The following MAP4K4 variants were observed in gnomAD, a reference collection of about 807,000 sequenced individuals.
The protein encoded by MAP4K4 is HPK/GCK-like kinase HGK.
In MAP4K4, 38 loss-of-function variants were observed where a neutral mutation model predicts 189.6. The observed-to-expected ratio is 0.20, with a 90% CI of 0.15 to 0.26. MAP4K4 has a LOEUF of 0.26. MAP4K4 is among the 10% of genes least tolerant of loss of function. MAP4K4 has a pLI of 1.00. For synonymous variants in MAP4K4, 610 were observed against 624.3 expected, an observed-to-expected ratio of 0.98 and a Z score of 0.34; for missense variants, 1,054 against 1,726.9, an observed-to-expected ratio of 0.61 and a Z score of 6.91.
chr2:101,707,487 G>A (rs2042945627), intron 2 of MAP4K4, among the ~76,000 whole-genome samples: 2 of 151,976 alleles, frequency 1.3e-5, no homozygotes, highest in Admixed American at 6.5e-5. Context: ...GGGATTACAG[G>A]CATGAACCAC....
chr2:101,872,763 A>G (rs1442730256), intron 24 of MAP4K4, among the ~76,000 whole-genome samples: 1 of 152,156 alleles, frequency 6.6e-6, no homozygotes, highest in Non-Finnish European at 1.5e-5. Flanking sequence ...TCAGGTGTCC[A>G]TGGAGGGGGT....
chr2:101,834,388 C>A, intron 7 of MAP4K4, 21 bp from the exon 8 acceptor site: 2 of 1,580,436 alleles, frequency 1.3e-6, no homozygotes, highest in Non-Finnish European at 1.7e-6. Flanking sequence ...GTATCTGTAA[C>A]GTACTGTTTT....
chr2:101,766,213 T>C (rs1048737443), intron 2 of MAP4K4, among the ~76,000 whole-genome samples: 1 of 152,220 alleles, frequency 6.6e-6, no homozygotes. Flanking sequence ...GTAGATCTTA[T>C]GAATTTCTGA....
chr2:101,842,795 A>G, intron 11 of MAP4K4, 114 bp downstream of exon 11: 1 of 672,326 alleles, frequency 1.5e-6, no homozygotes, highest in Non-Finnish European at 2.5e-6. Context: ...TTACTTAGAC[A>G]GCATCTTACT....
At chr2:101,814,358 A>G (rs1220634312) in intron 3 of MAP4K4, among the ~76,000 whole-genome samples, 2 of 152,178 alleles carry the variant, frequency 1.3e-5, no homozygotes. Flanking sequence ...CTTCTGTGGA[A>G]AGCATCTTTG....
At chr2:101,713,768 C>T (rs1023937902) in intron 2 of MAP4K4, among the ~76,000 whole-genome samples, 2 of 151,502 alleles carry the variant, frequency 1.3e-5, no homozygotes, top group African/African-American at 4.9e-5. Flanking sequence ...GGTGGGTGTG[C>T]CTGTAATCCC....
At chr2:101,855,848 C>T in intron 12 of MAP4K4, 129 bp from the exon 13 acceptor site, 2 of 787,066 alleles carry the variant, frequency 2.5e-6, no homozygotes, top group Non-Finnish European at 4.0e-6. Context: ...AAATAATTGG[C>T]CAGTAGATAT....
At chr2:101,812,681 T>G (rs1315790811) in intron 3 of MAP4K4, among the ~76,000 whole-genome samples, 2 of 152,186 alleles carry the variant, frequency 1.3e-5, no homozygotes, top group Admixed American at 6.5e-5. Context: ...ATGTGCATCT[T>G]TGCTGTAGAT....
At chr2:101,808,702 T>C (rs1251394784) in intron 3 of MAP4K4, among the ~76,000 whole-genome samples, 1 of 152,062 alleles carries the variant, frequency 6.6e-6, no homozygotes, top group Non-Finnish European at 1.5e-5. Flanking sequence ...AGGGATAAAA[T>C]ATAGAGAAGT....
At position 101,867,552 on chromosome 2, in the gene MAP4K4, G is replaced by T. The variant is rs920662032; in HGVS notation, c.2454+243G>T. ...CTGTTGTTCCAGCCATACACTTGGTGTACAGTCAGCCTTACAAAATTATGC... is the reference window on the plus strand; with the variant it reads ...CTGTTGTTCCAGCCATACACTTGGTTTACAGTCAGCCTTACAAAATTATGC... On this transcript the variant is annotated intron_variant, in intron 20 of 32. Coordinates refer to ENST00000324219, the Ensembl canonical transcript of MAP4K4. 2.0e-5 allele frequency: 9 copies of T among 461,070 alleles called. No individual in the cohort carries two copies. In the South Asian group the frequency reaches 2.6e-4, roughly 14 times the overall value. 28.6% of individuals were successfully genotyped at this position (461,070 alleles called of 1,614,324 possible). A position where few individuals can be genotyped will look rare whatever the true frequency, so the allele number is the denominator to read the frequency against.
In MAP4K4 at chr2:101,840,003, C is replaced by A; in HGVS notation, c.949+9C>A. The A allele has an allele frequency of 6.3e-7, 1 of 1,579,158 alleles. No homozygotes were observed. Among genetic ancestry groups the A allele is most frequent in the Non-Finnish European group, 8.6e-7 (1 of 1,168,502 alleles). ...GAAGAGAGGCGAGAAAGGTACTAAG[C>A]CTGTTTTTGTTTTCATCCTTTAAAA... On this transcript the variant is annotated intron_variant, in intron 10 of 32. Transcript: ENST00000324219.
intron 2 of MAP4K4, among the ~76,000 whole-genome samples, chr2:101,774,539 T>G (rs914871822): frequency 1.3e-5 from 2 of 152,228 alleles, no homozygotes; most frequent in East Asian, 3.8e-4. Flanking sequence ...ATTGTTACAT[T>G]AGCAGTGCAA....
intron 15 of MAP4K4, chr2:101,860,619 T>C: frequency 2.0e-6 from 1 of 494,414 alleles, no homozygotes; most frequent in South Asian, 3.4e-5. Flanking sequence ...CTTGCTAATT[T>C]TTATCTTCAT....
intron 8 of MAP4K4, 97 bp downstream of exon 8, chr2:101,834,560 C>A: frequency 2.2e-6 from 2 of 916,088 alleles, no homozygotes; most frequent in Non-Finnish European, 3.4e-6. Context: ...TGGATAAAGG[C>A]ATTTCTGGTG....
intron 21 of MAP4K4, among the ~76,000 whole-genome samples, chr2:101,868,507 ACT>A (rs2097884652): frequency 6.6e-6 from 1 of 152,222 alleles, no homozygotes; most frequent in African/African-American, 2.4e-5. Context: ...AATAGTAATC[ACT>A]CTTGAAAATT....
At chr2:101,864,220 T>G (rs1056118742) in intron 17 of MAP4K4, among the ~76,000 whole-genome samples, 169 bp downstream of exon 17, 18 of 152,228 alleles carry the variant, frequency 1.2e-4, no homozygotes, top group Non-Finnish European at 2.9e-5. Context: ...TAGGCAATTC[T>G]GTTTAGCCAG....
Position 101,829,941 on chromosome 2 carries a change from G to A in MAP4K4, c.508+347G>A, listed in dbSNP as rs146742848. On this transcript the variant is annotated intron_variant, in intron 6 of 32. Transcript: ENST00000324219. ...TAAAAAGCCATGTAGGATCTGACCCGTGCTACTTTTCCCTCCTCATTTTAT... is the reference window on the plus strand; with the variant it reads ...TAAAAAGCCATGTAGGATCTGACCCATGCTACTTTTCCCTCCTCATTTTAT... Among the ~76,000 whole-genome samples the A allele has an allele frequency of 3.8e-3, 578 of 152,230 alleles. 3 individuals carry two copies. Among genetic ancestry groups the A allele is most frequent in the Middle Eastern group, 0.01 (3 of 294 alleles).
rs145447316 is a variant in MAP4K4 at position 101,724,190 on chromosome 2, A to G, written c.123+25652A>G. Among the ~76,000 whole-genome samples the G allele has an allele frequency of 2.9e-3, 449 of 152,286 alleles. 4 individuals carry two copies. Among genetic ancestry groups the G allele is most frequent in the East Asian group, 0.01 (53 of 5,180 alleles). On this transcript the variant is annotated intron_variant, in intron 2 of 32. Transcript: ENST00000324219. Reference sequence around the variant, plus strand: ...GGGGATGGACCCAGCATTCCAGCCAACCAATCAGTGTGCAATGTCCTGTGC... The same window carrying G: ...GGGGATGGACCCAGCATTCCAGCCAGCCAATCAGTGTGCAATGTCCTGTGC...
chr2:101,890,272 AC>A (rs2098546485), intron 32 of MAP4K4, among the ~76,000 whole-genome samples: 1 of 152,220 alleles, frequency 6.6e-6, no homozygotes, highest in African/African-American at 2.4e-5. Flanking sequence ...GAAGGTGTTA[AC>A]AGTAGAAGTG....
Sources: gnomAD v4.1 joint callset for allele counts (sites outside exome capture counted in the v4.1 genomes callset) on GRCh38, gnomAD v4.1.1 for gene constraint, MANE v1.5 for transcripts, NCBI Gene and HGNC (gene_info 2026-07-23, HGNC 2026-07-21) for gene names.